The following NBAS variants were observed in gnomAD, a reference collection of about 807,000 sequenced individuals.
The protein encoded by NBAS is NBAS subunit of NRZ tethering complex, also known as NAG/BC035112 fusion.
Under a neutral mutation model 302.5 loss-of-function variants are expected in NBAS, and 219 were observed. The ratio of observed to expected loss-of-function variants is 0.72; its 90% CI spans 0.65 to 0.81. NBAS has a LOEUF of 0.81. NBAS is among the 30% of genes least tolerant of loss of function. The probability of loss-of-function intolerance (pLI) is 0.00; values close to 1 mark genes in which losing one functional copy is unlikely to be tolerated. For synonymous variants in NBAS, 1,118 were observed against 1,021.6 expected (o/e 1.09, Z -1.80); for missense variants, 2,932 against 2,841.6 (o/e 1.03, Z -0.72).
chr2:15,386,723 T>TA (rs1040924186), intron 28 of NBAS, among the ~76,000 whole-genome samples: 1 of 152,220 alleles, frequency 6.6e-6, no homozygotes, highest in Non-Finnish European at 1.5e-5. Context: ...AAATGACTAC[T>TA]AGGTCAAAAA....
rs143132886 is a variant in NBAS at position 15,369,986 on chromosome 2, G to C, written c.3704-3293C>G. ...CATATGAAGTTGCTAGTGATGCTGTGGAAGTATTATACAAATCTGAACCGT... is the reference window on the plus strand; with the variant it reads ...CATATGAAGTTGCTAGTGATGCTGTCGAAGTATTATACAAATCTGAACCGT... On this transcript the variant is annotated intron_variant, in intron 31 of 51. Transcript: ENST00000281513. 5.1e-3 allele frequency among the ~76,000 whole-genome samples: 782 copies of C among 152,320 alleles called. 7 individuals are homozygous for C. The highest frequency in any genetic ancestry group is 0.014 in the South Asian group (68 of 4,830).
At chr2:15,325,585 A>G (rs531816199) in intron 38 of NBAS, among the ~76,000 whole-genome samples, 1 of 152,336 alleles carries the variant, frequency 6.6e-6, no homozygotes, top group African/African-American at 2.4e-5. Flanking sequence ...CAGCCTTCAC[A>G]GAATTAAAGG....
chr2:15,062,025 T>A, the NBAS span, among the ~76,000 whole-genome samples: 4 of 152,126 alleles, frequency 2.6e-5, no homozygotes, highest in Non-Finnish European at 4.4e-5. Flanking sequence ...ACCTTCCAGA[T>A]TCTTAAAAGG....
intron 21 of NBAS, among the ~76,000 whole-genome samples, chr2:15,454,864 T>G (rs999369460): frequency 1.3e-5 from 2 of 152,154 alleles, no homozygotes; most frequent in Non-Finnish European, 2.9e-5. Context: ...TATTTTAGTA[T>G]GTAAGTATTT....
At chr2:14,894,969 T>A in the NBAS span, among the ~76,000 whole-genome samples, 1 of 152,050 alleles carries the variant, frequency 6.6e-6, no homozygotes, top group Non-Finnish European at 1.5e-5. Context: ...GGCAGGAGAA[T>A]CACTTGAATC....
At chr2:15,557,492 T>G (rs1664703344) in intron 2 of NBAS, among the ~76,000 whole-genome samples, 1 of 152,198 alleles carries the variant, frequency 6.6e-6, no homozygotes. Context: ...TTCTCAAAAT[T>G]TAAAAGCATT....
chr2:15,554,188 A>G (rs1318643312), intron 3 of NBAS, 50 bp from the exon 4 acceptor site: 1 of 1,412,434 alleles, frequency 7.1e-7, no homozygotes, highest in African/African-American at 1.4e-5. Flanking sequence ...TGAAAACCAC[A>G]TATATGCAGA....
the NBAS span, among the ~76,000 whole-genome samples, chr2:14,993,159 A>T: frequency 5.3e-5 from 8 of 152,114 alleles, no homozygotes; most frequent in Non-Finnish European, 1.0e-4. Context: ...ATAGCACCTC[A>T]CTGGATTCTC....
chr2:14,961,701 C>A, the NBAS span, among the ~76,000 whole-genome samples: 2 of 152,140 alleles, frequency 1.3e-5, no homozygotes, highest in Admixed American at 6.5e-5. Flanking sequence ...GACACAGGTA[C>A]TATTATTATT....
At chr2:15,047,754 T>C in the NBAS span, among the ~76,000 whole-genome samples, 1 of 144,654 alleles carries the variant, frequency 6.9e-6, no homozygotes, top group Non-Finnish European at 1.5e-5. Context: ...GAGCAGCCTG[T>C]GCACCATAGG....
intron 9 of NBAS, among the ~76,000 whole-genome samples, chr2:15,516,021 G>T (rs998862111): frequency 1.6e-4 from 24 of 152,136 alleles, no homozygotes; most frequent in African/African-American, 5.6e-4. Flanking sequence ...AGGGAAAGGT[G>T]GGGTCACACT....
chr2:15,430,583 A>G (rs1334180657), intron 21 of NBAS, among the ~76,000 whole-genome samples: 1 of 152,238 alleles, frequency 6.6e-6, no homozygotes. Context: ...TGAGAAAACT[A>G]AAGCATAAAT....
chr2:15,499,219 C>T (rs113619078), intron 11 of NBAS, among the ~76,000 whole-genome samples: 6 of 152,306 alleles, frequency 3.9e-5, no homozygotes, highest in South Asian at 4.1e-4. Context: ...TGAGCCACTG[C>T]GTCCAGCCTC....
At chr2:14,985,959 T>C in the NBAS span, among the ~76,000 whole-genome samples, 1 of 152,172 alleles carries the variant, frequency 6.6e-6, no homozygotes, top group Non-Finnish European at 1.5e-5. Flanking sequence ...AACCACACAA[T>C]CTTCCATGGC....
intron 10 of NBAS, among the ~76,000 whole-genome samples, chr2:15,509,026 A>C (rs1662010826): frequency 6.6e-6 from 1 of 152,202 alleles, no homozygotes; most frequent in Non-Finnish European, 1.5e-5. Context: ...ATCTACCCTG[A>C]AACATCTTGC....
intron 35 of NBAS, among the ~76,000 whole-genome samples, chr2:15,337,402 A>G (rs1191512604): frequency 6.6e-6 from 1 of 152,086 alleles, no homozygotes; most frequent in Non-Finnish European, 1.5e-5. Context: ...AATCACCACT[A>G]AAGAACTTAC....
the NBAS span, among the ~76,000 whole-genome samples, chr2:15,028,280 G>A: frequency 5.9e-5 from 9 of 152,112 alleles, no homozygotes; most frequent in Non-Finnish European, 1.3e-4. Context: ...TAAGTTAGTG[G>A]AAAAACCCGA....
Position 15,258,862 on chromosome 2 carries a change from G to A in NBAS, c.5724+16622C>T, listed in dbSNP as rs146313734. ...ATGTGATCTTTGTGACCTACTCCCT[G>A]TTCATACAACCCGTCCCCTTTTGAA... is the stretch of plus-strand genomic sequence containing the variant. On this transcript the variant is annotated intron_variant, in intron 44 of 51. Coordinates refer to ENST00000281513, the MANE Select transcript of NBAS (RefSeq NM_015909.4). Among the ~76,000 whole-genome samples, 279 of 152,230 alleles carry A rather than the reference G, an allele frequency of 1.8e-3. 1 individual carries two copies. The highest frequency in any genetic ancestry group is 3.5e-3 in the Admixed American group (54 of 15,292).
At chr2:15,516,967 T>C (rs1387718131) in intron 9 of NBAS, among the ~76,000 whole-genome samples, 2 of 152,134 alleles carry the variant, frequency 1.3e-5, no homozygotes, top group African/African-American at 2.4e-5. Flanking sequence ...TAAAAACTAC[T>C]AGCGAGATTG....
Sources: allele counts gnomAD v4.1 joint callset (sites outside exome capture counted in the v4.1 genomes callset), GRCh38; gene constraint gnomAD v4.1.1; transcripts MANE v1.5; gene names NCBI Gene and HGNC (gene_info 2026-07-23, HGNC 2026-07-21).